The following HLCS variants were observed in gnomAD, a reference collection of about 807,000 sequenced individuals.
HLCS encodes holocarboxylase synthetase, also known as biotin--protein ligase.
A neutral mutation model predicts 75.0 loss-of-function variants in HLCS; 53 were observed. The observed-to-expected ratio is 0.71, with a 90% CI of 0.57 to 0.89. HLCS has a LOEUF of 0.89. Ranked by LOEUF, HLCS falls within the 40% of genes least tolerant of loss-of-function variation. HLCS has a pLI of 0.00. For synonymous variants in HLCS, 431 were observed against 428.6 expected (o/e 1.01, Z -0.07); for missense variants, 966 against 1,074.0 (o/e 0.90, Z 1.41).
At chr21:36,932,084 CCT>C (rs2066673017) in intron 4 of HLCS, among the ~76,000 whole-genome samples, 1 of 152,206 alleles carries the variant, frequency 6.6e-6, no homozygotes, top group African/African-American at 2.4e-5. Context: ...CCAGTAGTAC[CCT>C]GAGCTTCCTG....
At chr21:36,984,883 T>C (rs1312374167) in intron 1 of HLCS, among the ~76,000 whole-genome samples, 3 of 152,058 alleles carry the variant, frequency 2.0e-5, no homozygotes, top group East Asian at 3.8e-4. Flanking sequence ...GTTTTTTTTT[T>C]TTCATTTAAT....
chr21:36,929,985 A>C (rs2066564207), intron 5 of HLCS, among the ~76,000 whole-genome samples: 2 of 152,252 alleles, frequency 1.3e-5, no homozygotes, highest in South Asian at 4.1e-4. Context: ...TACTCTTGAC[A>C]CAGGGACCCT....
chr21:36,937,517 G>A, intron 3 of HLCS, 125 bp from the exon 4 acceptor site: 1 of 885,244 alleles, frequency 1.1e-6, no homozygotes, highest in Non-Finnish European at 1.8e-6. Flanking sequence ...ACAGCCTCTG[G>A]CACGGCTCCC....
chr21:36,899,909 G>C (rs911496792), intron 5 of HLCS, among the ~76,000 whole-genome samples: 12 of 152,256 alleles, frequency 7.9e-5, no homozygotes, highest in Admixed American at 2.6e-4. Context: ...TTTGAGACCA[G>C]CCTGGCCAAC....
intron 6 of HLCS, among the ~76,000 whole-genome samples, chr21:36,881,553 C>T (rs986085171): frequency 7.2e-5 from 11 of 152,210 alleles, no homozygotes; most frequent in Non-Finnish European, 1.5e-4. Context: ...ACACATATTC[C>T]GTGTTGATGG....
At chr21:36,936,310 G>T in intron 4 of HLCS, 139 bp downstream of exon 4, 1 of 802,154 alleles carries the variant, frequency 1.2e-6, no homozygotes, top group East Asian at 2.5e-5. Flanking sequence ...ATCAGCAAAA[G>T]CTCCCAGCCA....
At chr21:36,870,801 A>T (rs966105139) in intron 6 of HLCS, among the ~76,000 whole-genome samples, 4 of 152,120 alleles carry the variant, frequency 2.6e-5, no homozygotes, top group African/African-American at 9.7e-5. Flanking sequence ...AATGTTCCTA[A>T]CTCCCACAGG....
intron 6 of HLCS, among the ~76,000 whole-genome samples, chr21:36,802,427 C>G (rs935003092): frequency 3.9e-5 from 6 of 152,202 alleles, no homozygotes; most frequent in African/African-American, 1.4e-4. Context: ...ACATTCTCTC[C>G]GTGGACAATT....
At chr21:36,879,732 G>A (rs1240022970) in intron 6 of HLCS, among the ~76,000 whole-genome samples, 1 of 151,992 alleles carries the variant, frequency 6.6e-6, no homozygotes, top group Non-Finnish European at 1.5e-5. Flanking sequence ...AAAAAAGTGA[G>A]ACCTTGTCTC....
intron 3 of HLCS, 69 bp from the exon 4 acceptor site, chr21:36,937,461 C>G: frequency 2.3e-6 from 3 of 1,316,774 alleles, no homozygotes; most frequent in Non-Finnish European, 3.3e-6. Context: ...TAGCTCATCT[C>G]AAGAATCTCA....
chr21:36,814,102 G>A (rs554872553), intron 6 of HLCS, among the ~76,000 whole-genome samples: 1 of 152,248 alleles, frequency 6.6e-6, no homozygotes, highest in African/African-American at 2.4e-5. Context: ...ATAGAATAGA[G>A]TTTTCTCTTG....
intron 6 of HLCS, among the ~76,000 whole-genome samples, chr21:36,815,740 CA>C (rs1181768938): frequency 2.0e-5 from 3 of 152,102 alleles, no homozygotes; most frequent in Admixed American, 2.0e-4. Context: ...CTTCACTTTC[CA>C]AAAGTTATCT....
chr21:36,759,709 A>C lies in HLCS; in HGVS notation c.2236+18T>G. On this transcript the variant is annotated intron_variant, in intron 9 of 10. Coordinates refer to ENST00000674895, the MANE Select transcript of HLCS (RefSeq NM_001352514.2). ...TTATTAATCTAAAAATGCTGGGGGA[A>C]AGGTTTTTGAAACTTACCAATAAGT... 7.3e-7 allele frequency: 1 copy of C among 1,364,702 alleles called. No individual in the cohort carries two copies. Among genetic ancestry groups the C allele is most frequent in the Non-Finnish European group, 1.1e-6 (1 of 952,252 alleles). 84.5% of individuals were successfully genotyped at this position (1,364,702 alleles called of 1,614,324 possible).
intron 6 of HLCS, among the ~76,000 whole-genome samples, chr21:36,810,332 T>A (rs1217924858): frequency 6.6e-6 from 1 of 152,188 alleles, no homozygotes; most frequent in East Asian, 1.9e-4. Flanking sequence ...CAAGCACAGA[T>A]TTTTTTGTCA....
chr21:36,824,650 G>T (rs919227089), intron 6 of HLCS, among the ~76,000 whole-genome samples: 1 of 152,160 alleles, frequency 6.6e-6, no homozygotes, highest in African/African-American at 2.4e-5. Context: ...GGCAATTTCT[G>T]CTTTTTCTAG....
intron 8 of HLCS, among the ~76,000 whole-genome samples, chr21:36,761,914 T>C (rs1383521771): frequency 6.6e-6 from 1 of 152,236 alleles, no homozygotes; most frequent in African/African-American, 2.4e-5. Flanking sequence ...AGCTGGTGCC[T>C]GGGCGGGCCC....
chr21:36,818,743 C>G (rs2061737448), intron 6 of HLCS, among the ~76,000 whole-genome samples: 1 of 152,130 alleles, frequency 6.6e-6, no homozygotes, highest in Non-Finnish European at 1.5e-5. Context: ...TTCTCTTTTT[C>G]TCTCATTGTA....
chr21:36,843,028 T>G (rs1328083655), intron 6 of HLCS, among the ~76,000 whole-genome samples: 1 of 152,234 alleles, frequency 6.6e-6, no homozygotes, highest in African/African-American at 2.4e-5. Context: ...TTGGTGGCCA[T>G]CTGTATGGAA....
intron 6 of HLCS, among the ~76,000 whole-genome samples, chr21:36,818,729 A>G (rs779776359): frequency 6.6e-5 from 10 of 152,134 alleles, no homozygotes; most frequent in Non-Finnish European, 1.5e-4. Flanking sequence ...CGGTATTTGA[A>G]CACTTCTCTT....
Sources: gnomAD v4.1 joint callset for allele counts (sites outside exome capture counted in the v4.1 genomes callset) on GRCh38, gnomAD v4.1.1 for gene constraint, MANE v1.5 for transcripts, NCBI Gene and HGNC (gene_info 2026-07-23, HGNC 2026-07-21) for gene names.